The following ASTN2 variants were observed in gnomAD, a reference collection of about 807,000 sequenced individuals.
The protein encoded by ASTN2 is astrotactin-2.
A neutral mutation model predicts 139.8 loss-of-function variants in ASTN2; 54 were observed. The ratio of observed to expected loss-of-function variants is 0.39; its 90% CI spans 0.31 to 0.48. The LOEUF is 0.48. ASTN2 is among the 20% of genes least tolerant of loss of function. The probability of loss-of-function intolerance (pLI) is 0.95; values close to 1 mark genes in which losing one functional copy is unlikely to be tolerated. For missense variants in ASTN2, 1,565 were observed against 1,725.1 expected (o/e 0.91, Z 1.64); for synonymous variants, 756 against 719.5 (o/e 1.05, Z -0.81).
chr9:117,310,724 T>C (rs1827947344), intron 1 of ASTN2, among the ~76,000 whole-genome samples: 1 of 152,196 alleles, frequency 6.6e-6, no homozygotes, highest in East Asian at 1.9e-4. Context: ...CTGGACCTCC[T>C]AGGCTCAAAC....
At chr9:117,006,065 C>T (rs1837345676) in intron 7 of ASTN2, among the ~76,000 whole-genome samples, 1 of 152,074 alleles carries the variant, frequency 6.6e-6, no homozygotes, top group East Asian at 1.9e-4. Context: ...GTGAGGGACT[C>T]CTGGGTCACC....
chr9:117,296,646 C>A (rs1406200380), intron 1 of ASTN2, among the ~76,000 whole-genome samples: 1 of 152,170 alleles, frequency 6.6e-6, no homozygotes, highest in Non-Finnish European at 1.5e-5. Flanking sequence ...CCCATAAAGG[C>A]AGATTATGCT....
intron 19 of ASTN2, among the ~76,000 whole-genome samples, chr9:116,594,859 T>C (rs1854502333): frequency 6.6e-6 from 1 of 152,142 alleles, no homozygotes. Context: ...CCTAGCATGG[T>C]CCCCATACCC....
At chr9:116,991,633 G>A (rs893210656) in intron 7 of ASTN2, among the ~76,000 whole-genome samples, 1 of 149,950 alleles carries the variant, frequency 6.7e-6, no homozygotes, top group African/African-American at 2.5e-5. Context: ...GAAATTAAGT[G>A]AATTGCTCAA....
intron 14 of ASTN2, among the ~76,000 whole-genome samples, chr9:116,731,037 A>G (rs930069309): frequency 1.3e-5 from 2 of 151,948 alleles, no homozygotes; most frequent in African/African-American, 4.8e-5. Context: ...CTGGCGGCCT[A>G]ACTCTCACTC....
chr9:117,141,592 G>C (rs1830077615), intron 3 of ASTN2, 114 bp from the exon 4 acceptor site: 3 of 961,386 alleles, frequency 3.1e-6, no homozygotes, highest in Non-Finnish European at 4.1e-6. Flanking sequence ...CACTAGACCT[G>C]GCCACCCTAA....
chr9:117,371,457 T>G (rs963092419), intron 1 of ASTN2, among the ~76,000 whole-genome samples: 2 of 152,190 alleles, frequency 1.3e-5, no homozygotes, highest in Non-Finnish European at 2.9e-5. Context: ...TCCTTTCACC[T>G]GCTGACAGCC....
intron 2 of ASTN2, among the ~76,000 whole-genome samples, chr9:117,270,021 A>G (rs1834027311): frequency 6.6e-6 from 1 of 152,182 alleles, no homozygotes. Context: ...AATTTGCCCT[A>G]AATCACAAGT....
chr9:117,196,584 C>T (rs747067762), intron 3 of ASTN2, among the ~76,000 whole-genome samples: 2 of 152,148 alleles, frequency 1.3e-5, no homozygotes, highest in Non-Finnish European at 2.9e-5. Flanking sequence ...TCGGCCATTG[C>T]TGGTATTTAA....
intron 19 of ASTN2, among the ~76,000 whole-genome samples, chr9:116,540,891 TTAA>T (rs1564355876): frequency 6.6e-6 from 1 of 152,118 alleles, no homozygotes; most frequent in Non-Finnish European, 1.5e-5. Context: ...AAATAAATGA[TTAA>T]TAATATTTGA....
At chr9:116,740,369 G>C (rs868745847) in intron 13 of ASTN2, among the ~76,000 whole-genome samples, 1 of 152,118 alleles carries the variant, frequency 6.6e-6, no homozygotes, top group Non-Finnish European at 1.5e-5. Flanking sequence ...GAACTCATAC[G>C]CACATGGATA....
At chr9:117,125,180 G>C (rs1364106235) in intron 4 of ASTN2, among the ~76,000 whole-genome samples, 1 of 152,062 alleles carries the variant, frequency 6.6e-6, no homozygotes, top group Non-Finnish European at 1.5e-5. Context: ...TGCAAAGCTT[G>C]TCTTCAAACA....
intron 13 of ASTN2, among the ~76,000 whole-genome samples, chr9:116,738,532 G>T (rs938441768): frequency 6.6e-6 from 1 of 151,692 alleles, no homozygotes; most frequent in Non-Finnish European, 1.5e-5. Context: ...CAGATGAAGG[G>T]TGCCCTAAAA....
intron 6 of ASTN2, among the ~76,000 whole-genome samples, chr9:117,030,941 C>A (rs1838230224): frequency 6.6e-6 from 1 of 152,066 alleles, no homozygotes; most frequent in South Asian, 2.1e-4. Context: ...TTGCCTTCTC[C>A]CTGTACTCTC....
chr9:116,842,751 G>A (rs1035148210), intron 11 of ASTN2, among the ~76,000 whole-genome samples: 2 of 145,244 alleles, frequency 1.4e-5, no homozygotes, highest in African/African-American at 5.0e-5. Context: ...GTGGGGCGGG[G>A]GGAGGGCATG....
chr9:117,204,421 G>A (rs1831843213), intron 3 of ASTN2, among the ~76,000 whole-genome samples: 2 of 152,140 alleles, frequency 1.3e-5, no homozygotes, highest in East Asian at 1.9e-4. Flanking sequence ...CATTTTCAGA[G>A]TGCCTACTAT....
chr9:116,533,142 T>C (rs148075317), intron 19 of ASTN2, among the ~76,000 whole-genome samples: 5,956 of 151,916 alleles, frequency 0.039, 415 homozygotes, highest in African/African-American at 0.14. Context: ...GGAGTTCACT[T>C]ATGATTTGGC....
chr9:116,688,715 T>C (rs931387346), intron 16 of ASTN2, among the ~76,000 whole-genome samples: 1 of 152,146 alleles, frequency 6.6e-6, no homozygotes, highest in Admixed American at 6.5e-5. Context: ...AAGCCCTTTT[T>C]CCCTGTACCC....
chr9:117,204,725 C>A (rs1419849061), intron 3 of ASTN2, among the ~76,000 whole-genome samples: 1 of 152,148 alleles, frequency 6.6e-6, no homozygotes, highest in Non-Finnish European at 1.5e-5. Context: ...CACAGCAAAT[C>A]TATGACCTGG....
Sources: allele counts gnomAD v4.1 joint callset (sites outside exome capture counted in the v4.1 genomes callset), GRCh38; gene constraint gnomAD v4.1.1; transcripts MANE v1.5; gene names NCBI Gene and HGNC (gene_info 2026-07-23, HGNC 2026-07-21).